Variants in WDR59 observed in about 807,000 individuals in gnomAD.
The protein encoded by WDR59 is WD repeat domain 59.
WDR59 carries 100 observed loss-of-function variants against 131.2 expected under a neutral mutation model. That is an observed-to-expected ratio of 0.76 (90% CI 0.65 to 0.90). The LOEUF (loss-of-function observed/expected upper bound fraction) is 0.90, where lower values mean the gene tolerates loss of function less well. Ranked by LOEUF, WDR59 falls within the 40% of genes least tolerant of loss-of-function variation. The pLI is 0.00. For missense variants in WDR59, 1,203 were observed against 1,262.2 expected (o/e 0.95, Z 0.71); for synonymous variants, 601 against 466.2 (o/e 1.29, Z -3.72).
Position 74,904,029 on chromosome 16 carries a change from C to G in WDR59, c.1784G>C (p.Gly595Ala). The G allele has an allele frequency of 1.2e-6, 2 of 1,612,910 alleles. No homozygotes were observed. The highest frequency in any genetic ancestry group is 1.7e-6 in the Non-Finnish European group (2 of 1,179,706). Residue 595 changes from glycine (G) to alanine (A), a missense_variant, in exon 18 of 26, where the codon GGG becomes GCG. Coordinates refer to ENST00000262144, the MANE Select transcript of WDR59 (RefSeq NM_030581.4). ...GCTCCCACTGTATAAACGAAGGTTC[C>G]CAGGGGCCTCTGTGCGGATCTTCAT... ...APMKIRTEAP[G>A]NLRLYSGSPT...
chr16:74,932,540 G>A (rs2031479843), intron 8 of WDR59, among the ~76,000 whole-genome samples: 1 of 152,052 alleles, frequency 6.6e-6, no homozygotes, highest in Non-Finnish European at 1.5e-5. Context: ...CCAGGTTGGA[G>A]TGCAGTGGTG....
rs143980338 is a variant in WDR59, at chr16:74,939,603, T to G, written c.535-1337A>C. Among the ~76,000 whole-genome samples the G allele has an allele frequency of 1.2e-3, 179 of 152,140 alleles. 2 individuals are homozygous for G. The highest frequency in any genetic ancestry group is 4.1e-3 in the African/African-American group (171 of 41,510). On this transcript the variant is annotated intron_variant, in intron 7 of 25. Transcript: ENST00000262144. ...AATGTTAGCATTTGTCTCTGGGTAG[T>G]AGGATTATGAATGATTTTTATTTTT...
intron 20 of WDR59, among the ~76,000 whole-genome samples, chr16:74,890,316 A>C (rs1384427753): frequency 6.6e-6 from 1 of 151,946 alleles, no homozygotes; most frequent in African/African-American, 2.4e-5. Context: ...ACACCTGGCT[A>C]ATTTTTGTAT....
chr16:74,963,294 G>A (rs8044498), intron 2 of WDR59: 17,750 of 152,108 alleles, frequency 0.12, 1,320 homozygotes, highest in African/African-American at 0.21. Flanking sequence ...GCACGCATAT[G>A]TTCAGTGAAG....
At chr16:74,904,320 C>A in intron 17 of WDR59, 1 of 520,852 alleles carries the variant, frequency 1.9e-6, no homozygotes, top group Non-Finnish European at 3.4e-6. Context: ...AAGGAATCTA[C>A]AAACTACTAG....
intron 10 of WDR59, among the ~76,000 whole-genome samples, chr16:74,921,394 C>A (rs1020596662): frequency 6.6e-6 from 1 of 152,322 alleles, no homozygotes; most frequent in Admixed American, 6.5e-5. Context: ...AGCTTAAAGA[C>A]AACATGGGTA....
chr16:74,984,986 A>G lies in WDR59; in HGVS notation c.32T>C (p.Val11Ala). Residue 11 changes from valine (V) to alanine (A), a missense_variant, in exon 1 of 26, where the codon GTT (valine) becomes GCT (alanine). Transcript: ENST00000262144. The part of the protein sequence containing the change: MAARWSSENV[V>A]VEFRDSQATA... ...CACCTGGGAGTCACGGAACTCTACA[A>G]CCACGTTTTCGCTGCTCCATCGCGC... is the stretch of plus-strand genomic sequence containing the variant. The G allele has an allele frequency of 6.2e-7, 1 of 1,600,996 alleles. No homozygotes were observed. The highest frequency in any genetic ancestry group is 8.5e-7 in the Non-Finnish European group (1 of 1,174,076).
At chr16:74,964,889 C>G (rs1036762290) in intron 2 of WDR59, among the ~76,000 whole-genome samples, 6 of 151,998 alleles carry the variant, frequency 3.9e-5, no homozygotes, top group Non-Finnish European at 5.9e-5. Flanking sequence ...ATGGTGAAAC[C>G]CTGTCTCTGC....
rs56943510 is a variant in WDR59 at position 74,979,838 on chromosome 16, C to CTTTTTTTTTTTT, written c.54+5114_54+5125dup. On this transcript the variant is annotated intron_variant, in intron 1 of 25. Coordinates refer to ENST00000262144, the MANE Select transcript of WDR59 (RefSeq NM_030581.4). The stretch of plus-strand genomic sequence containing the variant: ...ACAGGTGTGAGTCACCACACCCGGC[C>CTTTTTTTTTTTT]TTTTTTTTTTTTTTTTTTTTTTTTC... 9.9e-5 allele frequency among the ~76,000 whole-genome samples: 6 copies of CTTTTTTTTTTTT among 60,506 alleles called. 1 individual carries two copies. The highest frequency in any genetic ancestry group is 5.3e-4 in the Admixed American group (2 of 3,756). 39.7% of individuals were successfully genotyped at this position (60,506 alleles called of 152,430 possible).
intron 6 of WDR59, 96 bp downstream of exon 6, chr16:74,948,423 G>A (rs2032784604): frequency 5.2e-6 from 6 of 1,146,806 alleles, no homozygotes; most frequent in Non-Finnish European, 7.9e-6. Flanking sequence ...TAGAGAGGGA[G>A]ATGGAAAGGA....
chr16:74,893,076 A>C (rs151228096), intron 19 of WDR59, among the ~76,000 whole-genome samples: 17 of 152,334 alleles, frequency 1.1e-4, no homozygotes, highest in African/African-American at 1.4e-4. Context: ...CCTGCTTTGC[A>C]TAACAGCTCT....
intron 25 of WDR59, among the ~76,000 whole-genome samples, chr16:74,883,787 G>C (rs959732361): frequency 6.6e-6 from 1 of 152,090 alleles, no homozygotes; most frequent in Non-Finnish European, 1.5e-5. Flanking sequence ...CCCAGCCCCA[G>C]CTCCAGGGTC....
At chr16:74,893,896 T>A in intron 18 of WDR59, 84 bp from the exon 19 acceptor site, 15 of 1,474,776 alleles carry the variant, frequency 1.0e-5, no homozygotes, top group Non-Finnish European at 1.4e-5. Flanking sequence ...ATTGGGGTCA[T>A]TGGCAATTTG....
intron 8 of WDR59, among the ~76,000 whole-genome samples, chr16:74,935,878 TC>T (rs1366137036): frequency 6.6e-6 from 1 of 151,712 alleles, no homozygotes; most frequent in Non-Finnish European, 1.5e-5. Flanking sequence ...GCACCTATAA[TC>T]CCAGCTGCTC....
intron 6 of WDR59, 127 bp downstream of exon 6, chr16:74,948,392 C>T (rs1319365048): frequency 8.8e-6 from 8 of 906,292 alleles, no homozygotes; most frequent in East Asian, 4.8e-5. Flanking sequence ...TCAGCCACGG[C>T]GCAGCCCAGA....
intron 17 of WDR59, among the ~76,000 whole-genome samples, chr16:74,904,561 T>C (rs577555137): frequency 3.3e-5 from 5 of 152,322 alleles, no homozygotes; most frequent in African/African-American, 9.6e-5. Flanking sequence ...CACGCAAGGA[T>C]TGGAAGAGTC....
intron 9 of WDR59, among the ~76,000 whole-genome samples, chr16:74,923,424 A>T (rs955861509): frequency 7.9e-5 from 12 of 152,010 alleles, no homozygotes; most frequent in Admixed American, 4.6e-4. Flanking sequence ...TGGAGCTTTG[A>T]TCAGCAATTC....
chr16:74,952,445 CAAAAAAAAAAAA>C (rs61448932), intron 3 of WDR59, among the ~76,000 whole-genome samples: 4 of 62,718 alleles, frequency 6.4e-5, no homozygotes, highest in Non-Finnish European at 9.7e-5. Context: ...CCATCTCAAA[CAAAAAAAAAAAA>C]AAAAAAAAAG....
Position 74,932,171 on chromosome 16 carries a change from G to C in WDR59, c.651+5979C>G, listed in dbSNP as rs1223068094. Among the ~76,000 whole-genome samples the C allele has an allele frequency of 5.3e-5, 8 of 151,364 alleles. 1 individual carries two copies. Among genetic ancestry groups the C allele is most frequent in the African/African-American group, 1.9e-4 (8 of 41,300 alleles). On this transcript the variant is annotated intron_variant, in intron 8 of 25. Coordinates refer to ENST00000262144, the MANE Select transcript of WDR59 (RefSeq NM_030581.4). ...TGCAGTGGTCTGATCACAGCTCATT[G>C]CAGCCTCAAACTCCTGGGCTCAAGC...
Sources: gnomAD v4.1 joint callset for allele counts (sites outside exome capture counted in the v4.1 genomes callset) on GRCh38, gnomAD v4.1.1 for gene constraint, MANE v1.5 for transcripts, NCBI Gene and HGNC (gene_info 2026-07-23, HGNC 2026-07-21) for gene names.